The following NRXN1 variants were observed in gnomAD, a reference collection of about 807,000 sequenced individuals.
NRXN1 encodes the protein neurexin-1.
NRXN1 carries 39 observed loss-of-function variants against 150.9 expected under a neutral mutation model. The ratio of observed to expected loss-of-function variants is 0.26; its 90% CI spans 0.20 to 0.34. The LOEUF (loss-of-function observed/expected upper bound fraction) is 0.34. NRXN1 is among the 10% of genes least tolerant of loss of function. The pLI is 1.00. For missense variants in NRXN1, 1,815 were observed against 1,949.9 expected (o/e 0.93, Z 1.30); for synonymous variants, 924 against 757.0 (o/e 1.22, Z -3.62).
chr2:50,510,485 CAAAAAAAAAAAAAAA>C lies in NRXN1; in HGVS notation c.2375-3883_2375-3869del, dbSNP rs540578029. ...TGGATGACAGAGAGAGACTCCATCT[CAAAAAAAAAAAAAAA>C]AAAAAAAAAAAAACCACAAAAGAAA... is the stretch of plus-strand genomic sequence containing the variant. On this transcript the variant is annotated intron_variant, in intron 12 of 22. Transcript: ENST00000401669. Among the ~76,000 whole-genome samples, 7 of 39,694 alleles carry C rather than the reference CAAAAAAAAAAAAAAA, an allele frequency of 1.8e-4. No individual in the cohort carries two copies. In the East Asian group the frequency reaches 5.2e-3, roughly 30 times the overall value. The allele number at this position is 39,694 out of a possible 152,430, so 26.0% of individuals were successfully genotyped here.
At chr2:50,344,240 C>T (rs1558565243) in intron 17 of NRXN1, among the ~76,000 whole-genome samples, 1 of 152,146 alleles carries the variant, frequency 6.6e-6, no homozygotes, top group Non-Finnish European at 1.5e-5. Context: ...CCCTGAGAGG[C>T]TTATTTTTTA....
chr2:49,973,695 C>A (rs1326345632), intron 21 of NRXN1: 2 of 446,740 alleles, frequency 4.5e-6, no homozygotes, highest in Non-Finnish European at 7.9e-6. Flanking sequence ...CTGAAGCTCA[C>A]ACAAAGCAGC....
At chr2:50,374,013 A>G (rs1194360422) in intron 17 of NRXN1, among the ~76,000 whole-genome samples, 3 of 152,018 alleles carry the variant, frequency 2.0e-5, no homozygotes, top group Admixed American at 2.0e-4. Flanking sequence ...GAATTGCACG[A>G]TGGAGGCTGG....
chr2:50,872,308 C>T (rs565828654), intron 5 of NRXN1, among the ~76,000 whole-genome samples: 43 of 151,888 alleles, frequency 2.8e-4, no homozygotes, highest in African/African-American at 9.4e-4. Context: ...CACAGTATAA[C>T]CCATGCCTAC....
At chr2:50,143,244 C>T (rs10184716) in intron 18 of NRXN1, among the ~76,000 whole-genome samples, 100,070 of 151,566 alleles carry the variant, frequency 0.66, 33,370 homozygotes, top group African/African-American at 0.73. Flanking sequence ...AAAGGAGATA[C>T]ATATACAAAT....
intron 21 of NRXN1, among the ~76,000 whole-genome samples, chr2:49,982,987 C>A (rs1200286278): frequency 1.3e-5 from 2 of 152,110 alleles, no homozygotes; most frequent in Non-Finnish European, 2.9e-5. Context: ...GCTGTCTTTT[C>A]TATCTGGGGA....
chr2:50,121,145 T>A (rs1490799768), intron 18 of NRXN1, among the ~76,000 whole-genome samples: 1 of 152,176 alleles, frequency 6.6e-6, no homozygotes, highest in African/African-American at 2.4e-5. Flanking sequence ...TGCCTCAGCC[T>A]CCCAAGTAGC....
chr2:49,930,823 C>T (rs1171302488), intron 22 of NRXN1, among the ~76,000 whole-genome samples: 3 of 152,140 alleles, frequency 2.0e-5, no homozygotes, highest in African/African-American at 7.2e-5. Context: ...CAAGGGTAAA[C>T]TAGGTTGAAT....
chr2:50,759,695 A>C (rs1701568489), intron 5 of NRXN1, among the ~76,000 whole-genome samples: 1 of 151,892 alleles, frequency 6.6e-6, no homozygotes, highest in Non-Finnish European at 1.5e-5. Flanking sequence ...TTGGTTAAGG[A>C]CATGAGGGTA....
In NRXN1 at chr2:50,392,334, C is replaced by A. The variant is rs1489597198; in HGVS notation, c.3364+73108G>T. On this transcript the variant is annotated intron_variant, in intron 17 of 22. Transcript: ENST00000401669. ...ATTATCCTGCTACATAAAGAGTTGA[C>A]TGAGTTGAAATTACTTACAGATTAT... Among the ~76,000 whole-genome samples, 6 of 152,186 alleles carry A rather than the reference C, an allele frequency of 3.9e-5. No individual in the cohort carries two copies. The East Asian group carries it at 1.2e-3, about 29-fold the overall frequency.
chr2:50,405,024 A>T (rs2082661251), intron 17 of NRXN1, among the ~76,000 whole-genome samples: 1 of 152,140 alleles, frequency 6.6e-6, no homozygotes, highest in Admixed American at 6.5e-5. Context: ...GTTCTGGTCT[A>T]GAATAATCAC....
At chr2:50,473,589 C>A (rs2089719131) in intron 15 of NRXN1, among the ~76,000 whole-genome samples, 1 of 151,984 alleles carries the variant, frequency 6.6e-6, no homozygotes, top group Admixed American at 6.6e-5. Flanking sequence ...CTTTCATTTT[C>A]ATTTGAACTT....
Position 50,346,634 on chromosome 2 carries a change from G to C in NRXN1, c.3365-109664C>G, listed in dbSNP as rs1014026812. 4.4e-6 allele frequency: 7 copies of C among 1,573,434 alleles called. No homozygotes were observed. The African/African-American group carries it at 9.5e-5, about 21-fold the overall frequency. On this transcript the variant is annotated intron_variant, in intron 17 of 22. Coordinates refer to ENST00000401669, the MANE Select transcript of NRXN1 (RefSeq NM_001330078.2). This position sits in a 1 kb window ranked among gnomAD's most constrained non-coding sequence, Gnocchi z 5.0. ...CCTTAGGAGCCCAGGAGCGAGTGCA[G>C]GGTAGAAAGAGGGGAGCGAGGGGAT...
chr2:50,583,643 T>C (rs1044526999), intron 8 of NRXN1, among the ~76,000 whole-genome samples: 1 of 152,190 alleles, frequency 6.6e-6, no homozygotes, highest in African/African-American at 2.4e-5. Context: ...CCAAGATTTA[T>C]TGAGCACCTT....
chr2:50,179,619 C>G (rs1352808211), intron 18 of NRXN1, among the ~76,000 whole-genome samples: 1 of 152,104 alleles, frequency 6.6e-6, no homozygotes, highest in African/African-American at 2.4e-5. Context: ...TTCAGTAAAG[C>G]TTATAAAATA....
At chr2:50,729,381 G>A (rs867637846) in intron 5 of NRXN1, among the ~76,000 whole-genome samples, 1 of 152,172 alleles carries the variant, frequency 6.6e-6, no homozygotes, top group Non-Finnish European at 1.5e-5. Context: ...TTTTGCAGAT[G>A]CAAAGTTAAA....
intron 2 of NRXN1, among the ~76,000 whole-genome samples, chr2:50,929,911 C>A (rs1558439756): frequency 6.6e-6 from 1 of 152,006 alleles, no homozygotes; most frequent in Non-Finnish European, 1.5e-5. Context: ...TGGAGGAAAT[C>A]ATTGAGACTG....
intron 5 of NRXN1, among the ~76,000 whole-genome samples, chr2:50,787,707 T>G (rs1340121068): frequency 7.5e-6 from 1 of 133,796 alleles, no homozygotes; most frequent in African/African-American, 3.3e-5. Context: ...ATATGAAACA[T>G]GTATTAAAAA....
Position 51,026,391 on chromosome 2 carries a change from G to A in NRXN1, c.772+1111C>T, listed in dbSNP as rs1200874930. ...CTCACTTTCTGTTAGAGGCTTTGCT[G>A]TATTTATACAACAGTATTTTCCTTG... On this transcript the variant is annotated intron_variant, in intron 2 of 22. Transcript: ENST00000401669. The A allele has an allele frequency of 8.1e-6, 13 of 1,596,636 alleles. No individual in the cohort carries two copies. Among genetic ancestry groups the A allele is most frequent in the African/African-American group, 1.3e-5 (1 of 74,722 alleles).
Sources: allele counts gnomAD v4.1 joint callset (sites outside exome capture counted in the v4.1 genomes callset), GRCh38; gene constraint gnomAD v4.1.1; non-coding constraint Gnocchi (gnomAD v3.1); transcripts MANE v1.5; gene names NCBI Gene and HGNC (gene_info 2026-07-23, HGNC 2026-07-21).